Variants in TPST1 observed in about 807,000 individuals in gnomAD.
TPST1 encodes protein-tyrosine sulfotransferase 1.
Under a neutral mutation model 34.8 loss-of-function variants are expected in TPST1, and 20 were observed. The observed-to-expected ratio is 0.57, with a 90% CI of 0.40 to 0.84. The LOEUF (loss-of-function observed/expected upper bound fraction) is 0.84. Among genes scored for constraint, TPST1 ranks in the 40% least tolerant of loss-of-function variants. The pLI, the probability that TPST1 is intolerant of heterozygous loss-of-function variation, is 0.00. For missense variants in TPST1, 353 were observed against 455.5 expected, an observed-to-expected ratio of 0.78 and a Z score of 2.05; for synonymous variants, 152 against 159.4, an observed-to-expected ratio of 0.95 and a Z score of 0.35.
chr7:66,280,594 T>G (rs1293316960), intron 2 of TPST1, among the ~76,000 whole-genome samples: 3 of 152,226 alleles, frequency 2.0e-5, no homozygotes, highest in African/African-American at 7.2e-5. Flanking sequence ...CCACTCTTCC[T>G]GGATGCCTTT....
intron 1 of TPST1, among the ~76,000 whole-genome samples, chr7:66,217,691 T>C (rs1369386843): frequency 6.6e-6 from 1 of 150,686 alleles, no homozygotes; most frequent in Admixed American, 6.6e-5. Flanking sequence ...TTCAAGCAAT[T>C]CTCCTGTCTC....
At chr7:66,338,466 T>G (rs923476860) in intron 3 of TPST1, among the ~76,000 whole-genome samples, 2 of 152,206 alleles carry the variant, frequency 1.3e-5, no homozygotes, top group African/African-American at 4.8e-5. Flanking sequence ...AACTGTACTC[T>G]GGACCAAATG....
At chr7:66,318,672 G>A (rs1791687477) in intron 3 of TPST1, among the ~76,000 whole-genome samples, 1 of 152,082 alleles carries the variant, frequency 6.6e-6, no homozygotes, top group South Asian at 2.1e-4. Context: ...TCACCATGTT[G>A]CCCAGGCTGG....
At chr7:66,211,989 C>T (rs1238794625) in intron 1 of TPST1, among the ~76,000 whole-genome samples, 7 of 151,904 alleles carry the variant, frequency 4.6e-5, no homozygotes, top group South Asian at 2.1e-4. Context: ...AAAAAAACCC[C>T]GAAACAATCT....
chr7:66,239,950 C>T (rs748870478), intron 1 of TPST1, among the ~76,000 whole-genome samples: 4 of 152,120 alleles, frequency 2.6e-5, no homozygotes, highest in Non-Finnish European at 5.9e-5. Context: ...GGCATGATCT[C>T]AGCTCACTGC....
chr7:66,211,857 T>C (rs1336145565), intron 1 of TPST1, among the ~76,000 whole-genome samples: 1 of 152,116 alleles, frequency 6.6e-6, no homozygotes. Context: ...TCCCAGCTAC[T>C]CTGGAGGCTG....
At chr7:66,271,112 TTA>T (rs1382981516) in intron 2 of TPST1, among the ~76,000 whole-genome samples, 1 of 152,122 alleles carries the variant, frequency 6.6e-6, no homozygotes, top group Non-Finnish European at 1.5e-5. Context: ...GAGACCAATT[TTA>T]TATGTTTCTA....
chr7:66,345,380 C>G (rs939135748), intron 3 of TPST1, among the ~76,000 whole-genome samples: 3 of 150,144 alleles, frequency 2.0e-5, no homozygotes, highest in African/African-American at 7.4e-5. Flanking sequence ...GTAATCCCAG[C>G]TACTCAAGAG....
At chr7:66,301,006 C>G (rs2116039962) in intron 3 of TPST1, among the ~76,000 whole-genome samples, 1 of 152,100 alleles carries the variant, frequency 6.6e-6, no homozygotes, top group East Asian at 1.9e-4. Flanking sequence ...GATCCATGGA[C>G]TACAGAATGG....
At chr7:66,215,344 C>T (rs1001500466) in intron 1 of TPST1, among the ~76,000 whole-genome samples, 2 of 149,926 alleles carry the variant, frequency 1.3e-5, no homozygotes, top group African/African-American at 4.9e-5. Flanking sequence ...AGGTGTGAGC[C>T]ACCATACCTG....
At chr7:66,259,475 A>C (rs1790443099) in intron 2 of TPST1, among the ~76,000 whole-genome samples, 1 of 151,996 alleles carries the variant, frequency 6.6e-6, no homozygotes, top group South Asian at 2.1e-4. Context: ...AAAATTGTGT[A>C]CTTTTTTTTT....
At chr7:66,258,432 ATTAG>A (rs1790422209) in intron 2 of TPST1, among the ~76,000 whole-genome samples, 1 of 152,140 alleles carries the variant, frequency 6.6e-6, no homozygotes, top group Non-Finnish European at 1.5e-5. Context: ...CAGACCATTT[ATTAG>A]TTAGTTTGGA....
intron 3 of TPST1, among the ~76,000 whole-genome samples, chr7:66,326,118 T>A (rs1209045386): frequency 6.6e-6 from 1 of 152,200 alleles, no homozygotes; most frequent in Non-Finnish European, 1.5e-5. Flanking sequence ...TTCAGAAACT[T>A]CTGTGAGTCT....
chr7:66,213,482 G>A lies in TPST1; in HGVS notation c.-102+7960G>A, dbSNP rs957025451. Among the ~76,000 whole-genome samples the A allele has an allele frequency of 5.9e-5, 9 of 152,240 alleles. 1 individual carries two copies. In the South Asian group the frequency reaches 6.2e-4, roughly 11 times the overall value. On this transcript the variant is annotated intron_variant, in intron 1 of 5. Coordinates refer to ENST00000304842, the MANE Select transcript of TPST1 (RefSeq NM_003596.4). ...TGGCTTGTTAAACAATAGGCTGGGC[G>A]CGGTGGCTCACGCCTGTAATCCCAG...
chr7:66,205,127 C>T (rs536654219), upstream of TPST1: 5 of 152,342 alleles, frequency 3.3e-5, no homozygotes, highest in East Asian at 5.8e-4. The surrounding 1 kb of genome is among the most constrained non-coding windows in gnomAD (Gnocchi z 5.0). Context: ...GCTGTGGGGG[C>T]GCTGGCCGGC....
intron 1 of TPST1, among the ~76,000 whole-genome samples, chr7:66,213,893 C>T (rs1405282028): frequency 6.6e-6 from 1 of 152,122 alleles, no homozygotes; most frequent in Admixed American, 6.6e-5. Context: ...TGACTTTTGA[C>T]TGTATCTTGG....
At chr7:66,324,432 C>T (rs548963430) in intron 3 of TPST1, among the ~76,000 whole-genome samples, 1 of 152,186 alleles carries the variant, frequency 6.6e-6, no homozygotes, top group South Asian at 2.1e-4. Flanking sequence ...AAACTTTTTA[C>T]ATATATACTT....
chr7:66,324,076 A>G (rs1284684961), intron 3 of TPST1, among the ~76,000 whole-genome samples: 2 of 152,258 alleles, frequency 1.3e-5, no homozygotes, highest in Admixed American at 1.3e-4. Flanking sequence ...AGCCTTAAAA[A>G]GGAATGAAAT....
At chr7:66,355,890 G>T (rs1328443957) in intron 4 of TPST1, among the ~76,000 whole-genome samples, 2 of 126,052 alleles carry the variant, frequency 1.6e-5, no homozygotes, top group Non-Finnish European at 3.2e-5. Context: ...GGGTGACAGA[G>T]CAAGACTCCA....
Sources: allele counts gnomAD v4.1 joint callset (sites outside exome capture counted in the v4.1 genomes callset), GRCh38; gene constraint gnomAD v4.1.1; non-coding constraint Gnocchi (gnomAD v3.1); transcripts MANE v1.5; gene names NCBI Gene and HGNC (gene_info 2026-07-23, HGNC 2026-07-21).